The following PCDHGA3 variants were observed in gnomAD, a reference collection of about 807,000 sequenced individuals.
PCDHGA3 encodes the protein protocadherin gamma-A3.
PCDHGA3 carries 40 observed loss-of-function variants against 58.5 expected under a neutral mutation model. The ratio of observed to expected loss-of-function variants is 0.68; its 90% CI spans 0.53 to 0.89. The LOEUF is 0.89. PCDHGA3 is among the 40% of genes least tolerant of loss of function. PCDHGA3 has a pLI of 0.00. For synonymous variants in PCDHGA3, 530 were observed against 525.7 expected (o/e 1.01, Z -0.11); for missense variants, 1,223 against 1,195.9 (o/e 1.02, Z -0.33).
At chr5:141,433,866 T>C (rs1191114798) in intron 1 of PCDHGA3, among the ~76,000 whole-genome samples, 1 of 151,870 alleles carries the variant, frequency 6.6e-6, no homozygotes, top group African/African-American at 2.4e-5. Context: ...CTTTATCCTC[T>C]AGTTTCATCC....
At chr5:141,448,069 T>C (rs1184496754) in intron 1 of PCDHGA3, among the ~76,000 whole-genome samples, 1 of 151,202 alleles carries the variant, frequency 6.6e-6, no homozygotes, top group Non-Finnish European at 1.5e-5. Context: ...CTGGGCAACA[T>C]GAACGAAATG....
intron 1 of PCDHGA3, chr5:141,360,941 G>T: frequency 6.2e-7 from 1 of 1,613,946 alleles, no homozygotes. Context: ...GCCACCGACC[G>T]GGATGAAGGC....
At chr5:141,363,869 A>G (rs1763089883) in intron 1 of PCDHGA3, among the ~76,000 whole-genome samples, 2 of 152,238 alleles carry the variant, frequency 1.3e-5, no homozygotes. Context: ...GATAAGAGGT[A>G]AATAAAGGAC....
chr5:141,395,074 C>G, intron 1 of PCDHGA3: 1 of 1,614,166 alleles, frequency 6.2e-7, no homozygotes, highest in East Asian at 2.2e-5. Flanking sequence ...CAGACCTATT[C>G]CCAGGAAGTC....
intron 1 of PCDHGA3, among the ~76,000 whole-genome samples, chr5:141,460,709 A>G (rs2098995845): frequency 6.6e-6 from 1 of 151,794 alleles, no homozygotes; most frequent in Non-Finnish European, 1.5e-5. Flanking sequence ...ATGAGAATAA[A>G]CTATTGTTAT....
Position 141,418,952 on chromosome 5 carries a change from G to C in PCDHGA3, c.2424+72495G>C, listed in dbSNP as rs1377467334. On this transcript the variant is annotated intron_variant, in intron 1 of 3. Coordinates refer to ENST00000253812, the MANE Select transcript of PCDHGA3 (RefSeq NM_018916.4). ...TATGGAGGATTCCCCTCCAGGAGTG[G>C]TTGTTGCCCTCTTCAAAACACGGGA... 4.3e-6 allele frequency: 7 copies of C among 1,613,932 alleles called. No individual in the cohort carries two copies. Among genetic ancestry groups the C allele is most frequent in the Non-Finnish European group, 5.9e-6 (7 of 1,179,908 alleles).
intron 1 of PCDHGA3, chr5:141,405,253 C>T (rs78501291): frequency 0.034 from 55,338 of 1,614,052 alleles, 1,052 homozygotes; most frequent in Middle Eastern, 0.098. Flanking sequence ...GGAAGAGTCA[C>T]CTGATCTTCC....
At chr5:141,413,623 G>A (rs1454358985) in intron 1 of PCDHGA3, 2 of 1,613,752 alleles carry the variant, frequency 1.2e-6, no homozygotes, top group African/African-American at 1.3e-5. Flanking sequence ...TAATGAAAAT[G>A]TCGCTGCGGG....
chr5:141,473,975 G>T (rs188916402), intron 1 of PCDHGA3, among the ~76,000 whole-genome samples: 1 of 152,104 alleles, frequency 6.6e-6, no homozygotes, highest in Non-Finnish European at 1.5e-5. Flanking sequence ...AGTCTGAGGC[G>T]GGAGGATCCC....
Position 141,485,602 on chromosome 5 carries a change from G to A in PCDHGA3, c.2425-9205G>A, listed in dbSNP as rs766134158. On this transcript the variant is annotated intron_variant, in intron 1 of 3. Transcript: ENST00000253812. The surrounding 1 kb of genome is among the most constrained non-coding windows in gnomAD (Gnocchi z 5.7). ...GGCAGCAGCTGGACTTGGAAATTGG[G>A]GAGGCAGCTCCTCCAGGACAGCGTT... is the stretch of plus-strand genomic sequence containing the variant. 2.5e-6 allele frequency: 4 copies of A among 1,612,418 alleles called. No individual in the cohort carries two copies. In the Admixed American group the frequency reaches 5.0e-5, roughly 20 times the overall value.
chr5:141,361,994 G>T, intron 1 of PCDHGA3: 6 of 1,602,934 alleles, frequency 3.7e-6, no homozygotes, highest in Non-Finnish European at 5.1e-6. Flanking sequence ...TTCAGCCTGG[G>T]GTTGCGCACG....
chr5:141,359,987 G>A (rs1225240319), intron 1 of PCDHGA3: 1 of 925,904 alleles, frequency 1.1e-6, no homozygotes, highest in Admixed American at 3.4e-5. Context: ...TCTTAGAGGG[G>A]AACTTCCTGC....
At chr5:141,353,468 T>C (rs1344586353) in intron 1 of PCDHGA3, among the ~76,000 whole-genome samples, 1 of 152,198 alleles carries the variant, frequency 6.6e-6, no homozygotes, top group Non-Finnish European at 1.5e-5. Flanking sequence ...AGCCTTCCAA[T>C]TATTAAGACT....
chr5:141,456,735 C>T (rs568353480), intron 1 of PCDHGA3, among the ~76,000 whole-genome samples: 8 of 152,216 alleles, frequency 5.3e-5, no homozygotes, highest in East Asian at 3.9e-4. Context: ...GAGGCTGAGG[C>T]GGGAGCATCA....
chr5:141,423,864 G>T, intron 1 of PCDHGA3: 4 of 1,284,224 alleles, frequency 3.1e-6, no homozygotes, highest in Non-Finnish European at 3.9e-6. Flanking sequence ...TTTTGTGAAA[G>T]TCATTTTTCA....
chr5:141,386,522 C>CG (rs1554089719), intron 1 of PCDHGA3, among the ~76,000 whole-genome samples: 3 of 152,174 alleles, frequency 2.0e-5, no homozygotes, highest in Admixed American at 2.0e-4. Context: ...CAAAAAAAGA[C>CG]TCTTTTTAGA....
intron 1 of PCDHGA3, chr5:141,415,317 G>T (rs778236674): frequency 6.2e-7 from 1 of 1,614,218 alleles, no homozygotes; most frequent in Non-Finnish European, 8.5e-7. Flanking sequence ...TCGTCATCGT[G>T]CTGCTGGCGC....
At position 141,354,389 on chromosome 5, in the gene PCDHGA3, C is replaced by T. The variant is rs971076627; in HGVS notation, c.2424+7932C>T. ...AGATAGTCATATGCATAGCTTGTGG[C>T]CAAGAATCTACTGTACACAAAATTA... On this transcript the variant is annotated intron_variant, in intron 1 of 3. Coordinates refer to ENST00000253812, the MANE Select transcript of PCDHGA3 (RefSeq NM_018916.4). Among the ~76,000 whole-genome samples the T allele has an allele frequency of 2.0e-5, 3 of 152,144 alleles. 1 individual carries two copies. The South Asian group carries it at 6.2e-4, about 32-fold the overall frequency.
At chr5:141,362,537 C>A in intron 1 of PCDHGA3, 1 of 1,613,822 alleles carries the variant, frequency 6.2e-7, no homozygotes, top group Non-Finnish European at 8.5e-7. Context: ...GTCCCTTTTG[C>A]CTCAGATACT....
Sources: allele counts gnomAD v4.1 joint callset (sites outside exome capture counted in the v4.1 genomes callset), GRCh38; gene constraint gnomAD v4.1.1; non-coding constraint Gnocchi (gnomAD v3.1); transcripts MANE v1.5; gene names NCBI Gene and HGNC (gene_info 2026-07-23, HGNC 2026-07-21).